The following YAP1 variants were observed in gnomAD, a reference collection of about 807,000 sequenced individuals.
The protein encoded by YAP1 is transcriptional coactivator YAP1.
A neutral mutation model predicts 56.9 loss-of-function variants in YAP1; 5 were observed. The ratio of observed to expected loss-of-function variants is 0.09; its 90% confidence interval spans 0.05 to 0.18. The LOEUF (loss-of-function observed/expected upper bound fraction) is 0.18. Ranked by LOEUF, YAP1 falls within the 10% of genes least tolerant of loss-of-function variation. The pLI is 1.00. For missense variants in YAP1, 539 were observed against 651.8 expected (o/e 0.83, Z 1.88); for synonymous variants, 265 against 248.1 (o/e 1.07, Z -0.64).
At chr11:102,222,896 G>T (rs890173071) in intron 6 of YAP1, among the ~76,000 whole-genome samples, 35 of 151,398 alleles carry the variant, frequency 2.3e-4, no homozygotes, top group Non-Finnish European at 4.1e-4. Context: ...GGGTCGGGGG[G>T]TTCCAAACAC....
chr11:102,217,349 T>G (rs1196205183), intron 6 of YAP1, among the ~76,000 whole-genome samples: 5 of 152,226 alleles, frequency 3.3e-5, no homozygotes, highest in African/African-American at 1.2e-4. Flanking sequence ...AGAATATTTT[T>G]AAGGTTTTTT....
chr11:102,194,929 T>A (rs1296358209), intron 4 of YAP1, among the ~76,000 whole-genome samples: 1 of 152,090 alleles, frequency 6.6e-6, no homozygotes, highest in Non-Finnish European at 1.5e-5. Context: ...TTTTTTTAAT[T>A]TTTAGTTTTT....
chr11:102,174,367 C>A (rs1417501714), intron 3 of YAP1, among the ~76,000 whole-genome samples: 1 of 151,958 alleles, frequency 6.6e-6, no homozygotes, highest in Non-Finnish European at 1.5e-5. Flanking sequence ...GGGAGGCCAA[C>A]GCGGGCAGAT....
intron 6 of YAP1, among the ~76,000 whole-genome samples, chr11:102,219,206 A>G (rs895849143): frequency 6.6e-6 from 1 of 152,214 alleles, no homozygotes. Flanking sequence ...AATTTTATTC[A>G]TTTTAAAGTT....
At chr11:102,164,023 C>G (rs1448173912) in intron 3 of YAP1, among the ~76,000 whole-genome samples, 2 of 151,650 alleles carry the variant, frequency 1.3e-5, no homozygotes, top group Non-Finnish European at 2.9e-5. Flanking sequence ...ATATGTGACA[C>G]TTAAGTAAAA....
chr11:102,154,424 G>A (rs1945829793), intron 2 of YAP1, among the ~76,000 whole-genome samples: 1 of 151,978 alleles, frequency 6.6e-6, no homozygotes, highest in South Asian at 2.1e-4. Context: ...AGTCCTGTAA[G>A]CATGATTTGT....
intron 3 of YAP1, among the ~76,000 whole-genome samples, chr11:102,181,094 C>T (rs1473094008): frequency 1.3e-5 from 2 of 151,436 alleles, no homozygotes; most frequent in African/African-American, 4.9e-5. Context: ...CTGCAGTGAG[C>T]CGGGATTGCA....
chr11:102,180,256 C>T (rs1008357273), intron 3 of YAP1, among the ~76,000 whole-genome samples: 3 of 151,960 alleles, frequency 2.0e-5, no homozygotes, highest in Admixed American at 6.6e-5. Context: ...ACCTCATGAT[C>T]CTCCCTCCTT....
At chr11:102,182,155 G>A (rs61383713) in intron 3 of YAP1, among the ~76,000 whole-genome samples, 1,620 of 152,200 alleles carry the variant, frequency 0.011, 36 homozygotes, top group African/African-American at 0.037. Context: ...TCCTTAGACC[G>A]GCATCAGCAC....
At chr11:102,131,580 C>A (rs1435686722) in intron 2 of YAP1, among the ~76,000 whole-genome samples, 2 of 152,162 alleles carry the variant, frequency 1.3e-5, no homozygotes, top group Non-Finnish European at 2.9e-5. Flanking sequence ...ATAGAGTGCT[C>A]ATTTATTTCA....
intron 3 of YAP1, 39 bp from the exon 4 acceptor site, chr11:102,185,979 A>G: frequency 6.6e-7 from 1 of 1,525,870 alleles, no homozygotes; most frequent in Non-Finnish European, 8.7e-7. Flanking sequence ...GGTGCACCAA[A>G]TAAAAACCAT....
At chr11:102,146,747 A>G (rs1466617764) in intron 2 of YAP1, among the ~76,000 whole-genome samples, 6 of 152,228 alleles carry the variant, frequency 3.9e-5, no homozygotes, top group Non-Finnish European at 7.3e-5. Context: ...TGATTAAACA[A>G]GGTACTTCCA....
chr11:102,138,504 G>C (rs760127482), intron 2 of YAP1, among the ~76,000 whole-genome samples: 1 of 152,196 alleles, frequency 6.6e-6, no homozygotes. Flanking sequence ...GAAGGTGGAA[G>C]CTTTAAGGCC....
intron 3 of YAP1, among the ~76,000 whole-genome samples, chr11:102,181,515 C>A (rs758953126): frequency 6.6e-6 from 1 of 152,094 alleles, no homozygotes; most frequent in Non-Finnish European, 1.5e-5. Flanking sequence ...TTTTTACTTC[C>A]TGCCACCTAC....
chr11:102,169,764 G>A (rs1363687312), intron 3 of YAP1, among the ~76,000 whole-genome samples: 3 of 152,068 alleles, frequency 2.0e-5, no homozygotes, highest in Non-Finnish European at 4.4e-5. Flanking sequence ...AATCAATATA[G>A]CCAATCCTTA....
intron 8 of YAP1, among the ~76,000 whole-genome samples, chr11:102,229,179 G>A (rs1428330131): frequency 6.6e-6 from 1 of 152,240 alleles, no homozygotes; most frequent in African/African-American, 2.4e-5. Flanking sequence ...TAGGAAGATG[G>A]ATTTATTCAA....
chr11:102,216,038 T>C (rs980781937), intron 6 of YAP1, among the ~76,000 whole-genome samples: 3 of 152,062 alleles, frequency 2.0e-5, no homozygotes, highest in Non-Finnish European at 2.9e-5. Context: ...ATAACAAAGG[T>C]TTCAGGAGGC....
At chr11:102,229,672 G>T (rs773508424) in intron 8 of YAP1, 30 bp from the exon 9 acceptor site, 3 of 1,598,890 alleles carry the variant, frequency 1.9e-6, no homozygotes, top group South Asian at 2.2e-5. Context: ...TTTCAAAAAG[G>T]ACTTTGTTAT....
intron 2 of YAP1, among the ~76,000 whole-genome samples, chr11:102,118,100 A>G (rs1943403332): frequency 6.6e-6 from 1 of 152,208 alleles, no homozygotes; most frequent in Non-Finnish European, 1.5e-5. Flanking sequence ...TCTTATATAT[A>G]ATGTACCATG....
Sources: allele counts gnomAD v4.1 joint callset (sites outside exome capture counted in the v4.1 genomes callset), GRCh38; gene constraint gnomAD v4.1.1; transcripts MANE v1.5; gene names NCBI Gene and HGNC (gene_info 2026-07-23, HGNC 2026-07-21).